The following SORL1 variants were observed in gnomAD, a reference collection of about 807,000 sequenced individuals.
SORL1 encodes sortilin related receptor 1, also known as sortilin-related receptor.
Under a neutral mutation model 273.7 loss-of-function variants are expected in SORL1, and 127 were observed. The observed-to-expected ratio is 0.46, with a 90% confidence interval of 0.40 to 0.54. The LOEUF (loss-of-function observed/expected upper bound fraction) is 0.54, where lower values mean the gene tolerates loss of function less well. Among genes scored for constraint, SORL1 ranks in the 20% least tolerant of loss-of-function variants. SORL1 has a pLI of 0.00. For missense variants in SORL1, 2,494 were observed against 2,846.1 expected, an observed-to-expected ratio of 0.88 and a Z score of 2.81; for synonymous variants, 1,031 against 1,067.4, an observed-to-expected ratio of 0.97 and a Z score of 0.66.
intron 3 of SORL1, among the ~76,000 whole-genome samples, chr11:121,484,092 G>A (rs1454824426): frequency 2.6e-5 from 4 of 152,174 alleles, no homozygotes; most frequent in African/African-American, 7.2e-5. Flanking sequence ...AAACAGGCCC[G>A]TGTCTGAAGA....
rs578243838 is a variant in SORL1 at position 121,470,030 on chromosome 11, T to C, written c.309T>C (p.Asn103=). The part of the protein sequence containing the change: ...YGQVSLNDSH[N]QMVVHWAGEK... ...AGGTTAGTCTGAATGATTCCCACAA[T>C]CAGATGGTGGTGCACTGGGCTGGAG... Residue 103 remains asparagine, a synonymous_variant, in exon 2 of 48, where the codon AAT becomes AAC. Coordinates refer to ENST00000260197, the MANE Select transcript of SORL1 (RefSeq NM_003105.6). The C allele has an allele frequency of 6.2e-7, 1 of 1,614,032 alleles. No homozygotes were observed. Among genetic ancestry groups the C allele is most frequent in the Admixed American group, 1.7e-5 (1 of 60,026 alleles).
chr11:121,612,778 C>T lies in SORL1; in HGVS notation c.5365C>T (p.His1789Tyr), dbSNP rs769403171. 1 of 1,614,046 alleles carries T rather than the reference C, an allele frequency of 6.2e-7. No individual in the cohort carries two copies. The highest frequency in any genetic ancestry group is 8.5e-7 in the Non-Finnish European group (1 of 1,179,980). Residue 1789 changes from histidine to tyrosine, a missense_variant, in exon 40 of 48, where the codon CAC becomes TAC. Physicochemically the swap from His to Tyr is moderately conservative, Grantham distance 83. Transcript: ENST00000260197. ...GAACCTTTTCTGGGCATTTGACACC[C>T]ACAAGCAAGAGAGGAGAACTTTGAA... Reference protein sequence around the residue: ...VVNLFWAFDTHKQERRTLNFR... With the variant: ...VVNLFWAFDTYKQERRTLNFR...
chr11:121,465,467 A>G (rs532248452), intron 1 of SORL1, among the ~76,000 whole-genome samples: 12 of 152,160 alleles, frequency 7.9e-5, no homozygotes, highest in African/African-American at 2.4e-4. Flanking sequence ...AGGCAGGGGA[A>G]TCAACTAGAT....
At chr11:121,573,969 ACT>A (rs1316758511) in intron 23 of SORL1, among the ~76,000 whole-genome samples, 3 of 151,824 alleles carry the variant, frequency 2.0e-5, no homozygotes, top group Non-Finnish European at 2.9e-5. Context: ...CTAGCCTGTC[ACT>A]CTCTCTCGCC....
intron 1 of SORL1, among the ~76,000 whole-genome samples, chr11:121,468,164 C>G (rs900300920): frequency 6.6e-6 from 1 of 152,056 alleles, no homozygotes. Flanking sequence ...GGTTTTCTGC[C>G]GCAGAGCCTT....
At chr11:121,601,125 C>G (rs1190567988) in intron 32 of SORL1, among the ~76,000 whole-genome samples, 2 of 146,166 alleles carry the variant, frequency 1.4e-5, no homozygotes, top group Non-Finnish European at 3.0e-5. Context: ...CAGTTCCCAC[C>G]TATGAGTGAG....
chr11:121,545,171 A>G (rs970521496), intron 13 of SORL1, 72 bp from the exon 14 acceptor site: 1 of 1,437,058 alleles, frequency 7.0e-7, no homozygotes, highest in African/African-American at 1.4e-5. Flanking sequence ...GAGGCCAGGC[A>G]CCTTGAGGCA....
chr11:121,481,186 C>A (rs1310893820), intron 3 of SORL1, among the ~76,000 whole-genome samples: 1 of 105,148 alleles, frequency 9.5e-6, no homozygotes, highest in African/African-American at 4.2e-5. Flanking sequence ...TAGGCAGGCT[C>A]CATCTCCTCC....
chr11:121,490,669 A>G (rs1425706863), intron 5 of SORL1, among the ~76,000 whole-genome samples: 1 of 146,000 alleles, frequency 6.8e-6, no homozygotes, highest in East Asian at 2.1e-4. Flanking sequence ...TCAACCTGGG[A>G]GGCAGAGGTT....
chr11:121,604,161 C>A (rs1421579852), intron 32 of SORL1, 32 bp from the exon 33 acceptor site: 1 of 1,612,016 alleles, frequency 6.2e-7, no homozygotes, highest in African/African-American at 1.3e-5. Flanking sequence ...CGGCCCCTCC[C>A]CGTGGACTTA....
Position 121,532,571 on chromosome 11 carries a change from G to T in SORL1, c.1685+19G>T. The T allele has an allele frequency of 6.3e-7, 1 of 1,595,978 alleles. No individual in the cohort carries two copies. The highest frequency in any genetic ancestry group is 1.1e-5 in the South Asian group (1 of 90,566). ...AGCTAAAGTAAGTGTCTCTGATGAG[G>T]CCTTTTAACATCAAACTTTCTCCCA... On this transcript the variant is annotated intron_variant, in intron 12 of 47. Transcript: ENST00000260197.
intron 32 of SORL1, among the ~76,000 whole-genome samples, chr11:121,598,246 A>C (rs934279687): frequency 6.6e-6 from 1 of 152,218 alleles, no homozygotes; most frequent in African/African-American, 2.4e-5. Flanking sequence ...TAGGAGGCTA[A>C]TTTGATGGGA....
At chr11:121,555,159 G>T in intron 17 of SORL1, 28 bp from the exon 18 acceptor site, 1 of 1,606,392 alleles carries the variant, frequency 6.2e-7, no homozygotes, top group Non-Finnish European at 8.5e-7. Flanking sequence ...ACAGTTCCTA[G>T]CATTTATTAT....
At chr11:121,512,713 G>C (rs1248262602) in intron 6 of SORL1, among the ~76,000 whole-genome samples, 1 of 152,250 alleles carries the variant, frequency 6.6e-6, no homozygotes, top group Middle Eastern at 3.4e-3. Flanking sequence ...TGAAGTGTTG[G>C]CAGCCTCCAA....
intron 8 of SORL1, among the ~76,000 whole-genome samples, chr11:121,519,595 C>G (rs767356525): frequency 6.6e-6 from 1 of 152,100 alleles, no homozygotes; most frequent in Non-Finnish European, 1.5e-5. Flanking sequence ...AGGAAAGAAT[C>G]GACAGGTTCT....
intron 5 of SORL1, among the ~76,000 whole-genome samples, chr11:121,494,866 G>T (rs1009272796): frequency 2.0e-5 from 3 of 152,106 alleles, no homozygotes; most frequent in Non-Finnish European, 2.9e-5. Flanking sequence ...ATTTTAATTT[G>T]CATATCCTCT....
At chr11:121,524,632 T>G (rs1862092236) in intron 11 of SORL1, among the ~76,000 whole-genome samples, 1 of 152,248 alleles carries the variant, frequency 6.6e-6, no homozygotes, top group Non-Finnish European at 1.5e-5. Flanking sequence ...CCTGGAGCAC[T>G]GATGACTGTA....
Position 121,550,578 on chromosome 11 carries a change from GT to G in SORL1, c.2181-6del. ...TCTGACCTCTTGCTCTTGGGGTGGG[GT>G]GACAGCTACCGGAAGATTTCTGGGG... On this transcript the variant is annotated splice_region_variant and splice_polypyrimidine_tract_variant and intron_variant, in intron 15 of 47. Transcript: ENST00000260197. This position sits in a 1 kb window ranked among gnomAD's most constrained non-coding sequence, Gnocchi z 5.3. 6.2e-7 allele frequency: 1 copy of G among 1,613,948 alleles called. No homozygotes were observed. The highest frequency in any genetic ancestry group is 1.1e-5 in the South Asian group (1 of 91,084).
chr11:121,519,507 G>A (rs1024725861), intron 8 of SORL1, among the ~76,000 whole-genome samples: 1 of 152,012 alleles, frequency 6.6e-6, no homozygotes, highest in African/African-American at 2.4e-5. Context: ...CGCGTCCCGG[G>A]TTCATGCCGT....
Sources: allele counts gnomAD v4.1 joint callset (sites outside exome capture counted in the v4.1 genomes callset), GRCh38; gene constraint gnomAD v4.1.1; non-coding constraint Gnocchi (gnomAD v3.1); transcripts MANE v1.5; gene names NCBI Gene and HGNC (gene_info 2026-07-23, HGNC 2026-07-21).